DPP10: variants seen among roughly 807,000 people sequenced by gnomAD.
DPP10 encodes inactive dipeptidyl peptidase 10.
Under a neutral mutation model 120.9 loss-of-function variants are expected in DPP10, and 33 were observed. The ratio of observed to expected loss-of-function variants is 0.27; its 90% CI spans 0.21 to 0.37. The LOEUF (loss-of-function observed/expected upper bound fraction) is 0.37. Among genes scored for constraint, DPP10 ranks in the 10% least tolerant of loss-of-function variants. The probability of loss-of-function intolerance (pLI) is 1.00; values close to 1 mark genes in which losing one functional copy is unlikely to be tolerated. For synonymous variants in DPP10, 337 were observed against 326.1 expected (o/e 1.03, Z -0.36); for missense variants, 816 against 942.8 (o/e 0.87, Z 1.76).
chr2:114,657,341 C>T (rs9308699), intron 1 of DPP10, among the ~76,000 whole-genome samples: 30,987 of 151,990 alleles, frequency 0.2, 6,200 homozygotes, highest in African/African-American at 0.52. Flanking sequence ...GAATCTTCCC[C>T]ATTATGTTTC....
chr2:115,332,948 G>A (rs1271601421), intron 2 of DPP10, among the ~76,000 whole-genome samples: 1 of 152,108 alleles, frequency 6.6e-6, no homozygotes, highest in African/African-American at 2.4e-5. Flanking sequence ...TCCACTTGGT[G>A]CAGTGCTGCG....
intron 1 of DPP10, among the ~76,000 whole-genome samples, chr2:114,453,408 C>G (rs977056899): frequency 2.6e-5 from 4 of 152,016 alleles, no homozygotes; most frequent in Non-Finnish European, 5.9e-5. Flanking sequence ...TCCTTCATTT[C>G]TTTTTTCTTT....
chr2:114,655,082 C>T (rs1348527522), intron 1 of DPP10, among the ~76,000 whole-genome samples: 1 of 152,138 alleles, frequency 6.6e-6, no homozygotes, highest in Non-Finnish European at 1.5e-5. Context: ...ACAATTATAA[C>T]TACCTCCTAA....
chr2:114,627,981 C>G (rs537341096), intron 1 of DPP10, among the ~76,000 whole-genome samples: 1 of 152,138 alleles, frequency 6.6e-6, no homozygotes, highest in South Asian at 2.1e-4. Flanking sequence ...GAGATGATGT[C>G]TTGGTTGGTT....
chr2:114,619,650 T>G (rs1205335396), intron 1 of DPP10, among the ~76,000 whole-genome samples: 1 of 152,036 alleles, frequency 6.6e-6, no homozygotes, highest in African/African-American at 2.4e-5. Context: ...TAAGCATTGA[T>G]GGCAGCATAT....
chr2:115,561,232 A>G lies in DPP10; in HGVS notation c.441+35260A>G, dbSNP rs528087775. On this transcript the variant is annotated intron_variant, in intron 5 of 25. Coordinates refer to ENST00000410059, the MANE Select transcript of DPP10 (RefSeq NM_020868.6). Reference sequence around the variant, plus strand: ...AAATTAGCCGGGCTTGGTGGCACGCACCTGTAATCCCAGCTACTCGGGAGG... The same window carrying G: ...AAATTAGCCGGGCTTGGTGGCACGCGCCTGTAATCCCAGCTACTCGGGAGG... Among the ~76,000 whole-genome samples the G allele has an allele frequency of 5.3e-5, 8 of 151,794 alleles. No homozygotes were observed. In the South Asian group the frequency reaches 1.7e-3, roughly 32 times the overall value.
intron 3 of DPP10, among the ~76,000 whole-genome samples, chr2:115,443,518 G>A (rs2072272693): frequency 6.6e-6 from 1 of 152,182 alleles, no homozygotes; most frequent in African/African-American, 2.4e-5. Flanking sequence ...GAATCTGGAA[G>A]AGAAGACAGA....
intron 1 of DPP10, among the ~76,000 whole-genome samples, chr2:115,180,799 C>T (rs2054021431): frequency 6.6e-6 from 1 of 152,126 alleles, no homozygotes; most frequent in Admixed American, 6.6e-5. Flanking sequence ...AAAAAATGTC[C>T]TTTCTGCTTA....
At chr2:115,732,969 A>C (rs906316940) in intron 8 of DPP10, among the ~76,000 whole-genome samples, 1 of 152,314 alleles carries the variant, frequency 6.6e-6, no homozygotes, top group African/African-American at 2.4e-5. Flanking sequence ...AACCATTTGG[A>C]GCATAGTAAA....
rs546935753 is a variant in DPP10, at chr2:114,963,300, GAA to G, written c.61-345936_61-345935del. 3.0e-3 allele frequency among the ~76,000 whole-genome samples: 463 copies of G among 152,234 alleles called. 1 individual carries two copies. The highest frequency in any genetic ancestry group is 6.8e-3 in the Middle Eastern group (2 of 294). Reference sequence around the variant, plus strand: ...ATGCCACTGGTCATTTGATAAACTTGAAAAGAGAGGACACAAATGTCAGTATC... The same window carrying G: ...ATGCCACTGGTCATTTGATAAACTTGAAGAGAGGACACAAATGTCAGTATC... On this transcript the variant is annotated intron_variant, in intron 1 of 25. Coordinates refer to ENST00000410059, the MANE Select transcript of DPP10 (RefSeq NM_020868.6).
intron 1 of DPP10, among the ~76,000 whole-genome samples, chr2:114,886,121 A>T (rs1036066896): frequency 2.6e-5 from 4 of 152,180 alleles, no homozygotes; most frequent in African/African-American, 9.7e-5. Context: ...AACAACACTG[A>T]GGGGAGATGA....
At chr2:115,116,740 C>T (rs1256122392) in intron 1 of DPP10, among the ~76,000 whole-genome samples, 1 of 152,118 alleles carries the variant, frequency 6.6e-6, no homozygotes, top group Non-Finnish European at 1.5e-5. Context: ...CACGCATTTC[C>T]TAACTATTGA....
intron 4 of DPP10, among the ~76,000 whole-genome samples, chr2:115,503,260 ATTGATTTATAATGCC>A (rs2076777229): frequency 6.6e-6 from 1 of 152,168 alleles, no homozygotes; most frequent in Non-Finnish European, 1.5e-5. Flanking sequence ...AGGAAGATTC[ATTGATTTATAATGCC>A]TAGAGACAGC....
chr2:114,801,717 A>G (rs577428128), intron 1 of DPP10, among the ~76,000 whole-genome samples: 23 of 152,298 alleles, frequency 1.5e-4, no homozygotes, highest in African/African-American at 4.1e-4. Flanking sequence ...CAAGGGATGG[A>G]TGTTATTTGC....
chr2:115,224,567 T>C (rs1208045359), intron 1 of DPP10, among the ~76,000 whole-genome samples: 2 of 152,016 alleles, frequency 1.3e-5, no homozygotes, highest in Non-Finnish European at 2.9e-5. Context: ...GACATAAAAT[T>C]TCAGTTAGAG....
At chr2:115,093,737 C>T (rs1405788150) in intron 1 of DPP10, among the ~76,000 whole-genome samples, 1 of 151,956 alleles carries the variant, frequency 6.6e-6, no homozygotes, top group Non-Finnish European at 1.5e-5. Flanking sequence ...GAGACACACA[C>T]ATAAACTTTA....
At chr2:114,560,818 A>G (rs915527865) in intron 1 of DPP10, among the ~76,000 whole-genome samples, 5 of 152,184 alleles carry the variant, frequency 3.3e-5, no homozygotes, top group Admixed American at 2.0e-4. Flanking sequence ...GGTTCAATAA[A>G]TAAATGGGTT....
At chr2:115,566,746 A>G (rs532411071) in intron 5 of DPP10, among the ~76,000 whole-genome samples, 148 of 152,322 alleles carry the variant, frequency 9.7e-4, no homozygotes, top group Non-Finnish European at 1.9e-3. Flanking sequence ...GGTCTTAGGT[A>G]TGCTCATTGC....
intron 3 of DPP10, among the ~76,000 whole-genome samples, chr2:115,486,237 G>T (rs377229237): frequency 1.2e-5 from 1 of 82,638 alleles, no homozygotes; most frequent in Non-Finnish European, 3.0e-5. Context: ...TTTTCATAAG[G>T]GTGAGAAAAC....
Sources: gnomAD v4.1 joint callset for allele counts (sites outside exome capture counted in the v4.1 genomes callset) on GRCh38, gnomAD v4.1.1 for gene constraint, MANE v1.5 for transcripts, NCBI Gene and HGNC (gene_info 2026-07-23, HGNC 2026-07-21) for gene names.